Variants in CEP112 observed in about 807,000 individuals in gnomAD.
The protein encoded by CEP112 is centrosomal protein 112.
A neutral mutation model predicts 153.0 loss-of-function variants in CEP112; 127 were observed. The ratio of observed to expected loss-of-function variants is 0.83; its 90% confidence interval spans 0.72 to 0.96. The LOEUF (loss-of-function observed/expected upper bound fraction) is 0.96, where lower values mean the gene tolerates loss of function less well. Ranked by LOEUF, CEP112 falls within the 40% of genes least tolerant of loss-of-function variation. The probability of loss-of-function intolerance (pLI) is 0.00; values close to 1 mark genes in which losing one functional copy is unlikely to be tolerated. For synonymous variants in CEP112, 358 were observed against 374.4 expected, an observed-to-expected ratio of 0.96 and a Z score of 0.51; for missense variants, 1,089 against 1,101.2, an observed-to-expected ratio of 0.99 and a Z score of 0.16.
intron 24 of CEP112, among the ~76,000 whole-genome samples, chr17:65,658,309 G>C (rs971883157): frequency 3.9e-5 from 6 of 152,190 alleles, no homozygotes; most frequent in Admixed American, 3.9e-4. Flanking sequence ...TGGGATTCAG[G>C]GGGGCAGCTG....
intron 21 of CEP112, among the ~76,000 whole-genome samples, chr17:65,816,975 T>G (rs1236701071): frequency 6.6e-6 from 1 of 152,020 alleles, no homozygotes; most frequent in Non-Finnish European, 1.5e-5. Context: ...TGGAGGCAGT[T>G]GCTTATAATT....
intron 8 of CEP112, among the ~76,000 whole-genome samples, chr17:66,075,327 G>A (rs148876912): frequency 6.6e-6 from 1 of 152,224 alleles, no homozygotes; most frequent in Non-Finnish European, 1.5e-5. Flanking sequence ...TAGAAAATGG[G>A]AAAAGTCCAG....
At chr17:66,183,524 CCAAA>C (rs1188244396) in intron 1 of CEP112, among the ~76,000 whole-genome samples, 1 of 151,942 alleles carries the variant, frequency 6.6e-6, no homozygotes, top group African/African-American at 2.4e-5. Flanking sequence ...ACTAAAGAGC[CCAAA>C]CAATTTTGAG....
At chr17:65,903,309 T>C (rs752186621) in intron 19 of CEP112, 24 of 152,218 alleles carry the variant, frequency 1.6e-4, no homozygotes, top group Non-Finnish European at 3.2e-4. Context: ...TCAAAAAAGC[T>C]AACAGTAGGA....
At chr17:66,145,121 T>G (rs1456595774) in intron 4 of CEP112, among the ~76,000 whole-genome samples, 1 of 152,242 alleles carries the variant, frequency 6.6e-6, no homozygotes, top group Non-Finnish European at 1.5e-5. Context: ...CTGTGCTTTA[T>G]AATTTGCATT....
chr17:65,728,531 G>T (rs2050311526), intron 23 of CEP112, among the ~76,000 whole-genome samples: 1 of 152,150 alleles, frequency 6.6e-6, no homozygotes, highest in African/African-American at 2.4e-5. Context: ...ATTTCATCAA[G>T]GACATGGGAG....
chr17:65,902,914 T>C (rs1034719035), intron 19 of CEP112, among the ~76,000 whole-genome samples: 3 of 152,204 alleles, frequency 2.0e-5, no homozygotes, highest in African/African-American at 7.2e-5. Context: ...GCTTGCGCCA[T>C]GATTTCATAA....
intron 6 of CEP112, among the ~76,000 whole-genome samples, chr17:66,125,801 G>C (rs2069820555): frequency 6.6e-6 from 1 of 152,116 alleles, no homozygotes; most frequent in African/African-American, 2.4e-5. Context: ...TAAGAAAAGA[G>C]ACTACAAATC....
At position 66,026,938 on chromosome 17, in the gene CEP112, C is replaced by G. The variant is rs188768094; in HGVS notation, c.1656+563G>C. 4.8e-3 allele frequency among the ~76,000 whole-genome samples: 725 copies of G among 152,292 alleles called. 2 individuals are homozygous for G. Among genetic ancestry groups the G allele is most frequent in the Non-Finnish European group, 5.6e-3 (378 of 68,030 alleles). On this transcript the variant is annotated intron_variant, in intron 16 of 26. Transcript: ENST00000535342. ...GAAATCCATGGATATGAAAGGCCAA[C>G]TGTACTCTTCACTCATTAAATATAA...
chr17:65,958,586 C>T (rs1219740608), intron 18 of CEP112, among the ~76,000 whole-genome samples: 1 of 45,790 alleles, frequency 2.2e-5, no homozygotes, highest in Non-Finnish European at 4.6e-5. Context: ...CATGCCAGCC[C>T]CCTGCTGCCT....
chr17:66,167,868 G>A (rs1189581497), intron 4 of CEP112, among the ~76,000 whole-genome samples: 1 of 152,154 alleles, frequency 6.6e-6, no homozygotes, highest in Non-Finnish European at 1.5e-5. Context: ...ACTTGGAAAA[G>A]ATTTCTAGAA....
At chr17:65,871,268 C>T (rs1410238861) in intron 20 of CEP112, among the ~76,000 whole-genome samples, 1 of 152,186 alleles carries the variant, frequency 6.6e-6, no homozygotes, top group Non-Finnish European at 1.5e-5. Flanking sequence ...GACTTCTTAT[C>T]ATGACTTCTA....
At chr17:65,992,099 T>A (rs539687418) in intron 17 of CEP112, among the ~76,000 whole-genome samples, 6 of 152,084 alleles carry the variant, frequency 3.9e-5, no homozygotes, top group Admixed American at 1.3e-4. Flanking sequence ...AGTATTCCAT[T>A]TAAGTCTTTT....
chr17:65,654,920 C>T (rs532285676), intron 24 of CEP112: 13 of 589,844 alleles, frequency 2.2e-5, no homozygotes, highest in African/African-American at 5.6e-5. Context: ...AAGAGGAACT[C>T]GGACAGCGAT....
At chr17:65,971,054 CTAT>C (rs1275799194) in intron 17 of CEP112, among the ~76,000 whole-genome samples, 6 of 152,172 alleles carry the variant, frequency 3.9e-5, no homozygotes, top group Non-Finnish European at 8.8e-5. Context: ...TATTACATGT[CTAT>C]TACATACATG....
At chr17:65,899,291 G>A (rs955583239) in intron 20 of CEP112, among the ~76,000 whole-genome samples, 1 of 152,030 alleles carries the variant, frequency 6.6e-6, no homozygotes, top group Non-Finnish European at 1.5e-5. Context: ...TGAACATCTT[G>A]TATGATGGTG....
In CEP112 at chr17:65,960,294, T is replaced by C. The variant is rs568938906; in HGVS notation, c.1872+1169A>G. 8.5e-4 allele frequency among the ~76,000 whole-genome samples: 129 copies of C among 152,252 alleles called. 1 individual carries two copies. Among genetic ancestry groups the C allele is most frequent in the African/African-American group, 3.0e-3 (123 of 41,552 alleles). The stretch of plus-strand genomic sequence containing the variant: ...TAGCACACAGATACATAATATTAGA[T>C]ATAAAAGGGCAAACAGAAATAGTAC... On this transcript the variant is annotated intron_variant, in intron 18 of 26. Coordinates refer to ENST00000535342, the MANE Select transcript of CEP112 (RefSeq NM_001199165.4).
intron 17 of CEP112, among the ~76,000 whole-genome samples, chr17:65,970,367 C>CATGCACACATCATGCATGTAAATTAT (rs2062649010): frequency 1.4e-5 from 1 of 71,796 alleles, no homozygotes. Flanking sequence ...GCCTATATTA[C>CATGCACACATCATGCATGTAAATTAT]ATGCACACAT....
chr17:66,158,239 C>T (rs2071532208), intron 4 of CEP112, among the ~76,000 whole-genome samples: 1 of 152,178 alleles, frequency 6.6e-6, no homozygotes, highest in Non-Finnish European at 1.5e-5. Flanking sequence ...GAAACTCACT[C>T]AAAACCGCAC....
Sources: allele counts gnomAD v4.1 joint callset (sites outside exome capture counted in the v4.1 genomes callset), GRCh38; gene constraint gnomAD v4.1.1; transcripts MANE v1.5; gene names NCBI Gene and HGNC (gene_info 2026-07-23, HGNC 2026-07-21).